Variants in MRPL30 observed in about 807,000 individuals in gnomAD.
MRPL30 encodes mitochondrial ribosomal protein L30, also known as large ribosomal subunit protein uL30m.
MRPL30 carries 10 observed loss-of-function variants against 17.2 expected under a neutral mutation model. The observed-to-expected ratio is 0.58, with a 90% CI of 0.36 to 0.99. MRPL30 has a LOEUF of 0.99. Ranked by LOEUF, MRPL30 falls within the 50% of genes least tolerant of loss-of-function variation. MRPL30 has a pLI of 0.01. For missense variants in MRPL30, 170 were observed against 189.8 expected, an observed-to-expected ratio of 0.90 and a Z score of 0.61; for synonymous variants, 61 against 62.1, an observed-to-expected ratio of 0.98 and a Z score of 0.08.
intron 1 of MRPL30, among the ~76,000 whole-genome samples, chr2:99,181,506 C>T (rs2093921469): frequency 6.6e-6 from 1 of 151,998 alleles, no homozygotes; most frequent in African/African-American, 2.4e-5. Context: ...AGAACGGAGC[C>T]GCCGAGGCTG....
intron 5 of MRPL30, 84 bp downstream of exon 5, chr2:99,195,273 G>GA (rs1420720978): frequency 3.0e-6 from 4 of 1,341,676 alleles, no homozygotes; most frequent in Non-Finnish European, 4.1e-6. Context: ...TTAATGTTCT[G>GA]AAAAAAACTT....
intron 2 of MRPL30, 105 bp downstream of exon 2, chr2:99,186,359 G>A (rs2093934086): frequency 1.0e-6 from 1 of 975,042 alleles, no homozygotes; most frequent in African/African-American, 1.6e-5. Context: ...TTGAGACGAA[G>A]TCTCTCTCTG....
intron 1 of MRPL30, among the ~76,000 whole-genome samples, chr2:99,185,415 T>C (rs1443076854): frequency 6.6e-6 from 1 of 152,204 alleles, no homozygotes; most frequent in Non-Finnish European, 1.5e-5. Context: ...ACAGGTATTT[T>C]CTTTCTTTTC....
chr2:99,190,224 C>T (rs893426492), intron 3 of MRPL30, among the ~76,000 whole-genome samples: 2 of 152,134 alleles, frequency 1.3e-5, no homozygotes, highest in Non-Finnish European at 2.9e-5. Flanking sequence ...ACAGTATTAC[C>T]ATTGACTACT....
At chr2:99,193,426 A>G (rs1473224077) in intron 3 of MRPL30, among the ~76,000 whole-genome samples, 1 of 152,188 alleles carries the variant, frequency 6.6e-6, no homozygotes, top group Non-Finnish European at 1.5e-5. Context: ...TTATTAAAAT[A>G]CCATCTTTTT....
At chr2:99,193,396 A>G (rs2093950152) in intron 3 of MRPL30, among the ~76,000 whole-genome samples, 1 of 152,218 alleles carries the variant, frequency 6.6e-6, no homozygotes, top group Non-Finnish European at 1.5e-5. Context: ...ACTGTTTTTA[A>G]TCATGAATGA....
intron 1 of MRPL30, among the ~76,000 whole-genome samples, chr2:99,183,837 T>C (rs1408118358): frequency 2.0e-5 from 3 of 152,182 alleles, no homozygotes; most frequent in Non-Finnish European, 4.4e-5. Context: ...CTTTTGCTAT[T>C]CCAGGATCCC....
intron 1 of MRPL30, among the ~76,000 whole-genome samples, chr2:99,181,859 T>C (rs1341492729): frequency 1.3e-5 from 2 of 152,240 alleles, no homozygotes; most frequent in African/African-American, 4.8e-5. Context: ...TTCAGAGATC[T>C]CTGGTATCTC....
rs1028035868 is a variant in MRPL30, at chr2:99,197,557, C to A, written c.*1852C>A. On this transcript the variant is annotated 3_prime_UTR_variant, in exon 6 of 6. Transcript: ENST00000338148. ...AGAGAAACCTGTGTGCCACAACATACAGTGTCCTTGCTTATGTGGGGTCGA... is the reference window on the plus strand; with the variant it reads ...AGAGAAACCTGTGTGCCACAACATAAAGTGTCCTTGCTTATGTGGGGTCGA... 1 of 152,232 alleles carries A rather than the reference C, an allele frequency of 6.6e-6. No individual in the cohort carries two copies. Among genetic ancestry groups the A allele is most frequent in the Non-Finnish European group, 1.5e-5 (1 of 68,058 alleles). 9.4% of individuals were successfully genotyped at this position (152,232 alleles called of 1,614,324 possible).
In MRPL30 at chr2:99,181,261, A is replaced by C. The variant is rs1404112637; in HGVS notation, c.-28+12A>C. Reference sequence around the variant, plus strand: ...TTTAGCGGGTGCCGGTGAGTGGGGAATGAGTGGCGGAGAGTGCGGCATTCT... The same window carrying C: ...TTTAGCGGGTGCCGGTGAGTGGGGACTGAGTGGCGGAGAGTGCGGCATTCT... On this transcript the variant is annotated intron_variant, in intron 1 of 5. Transcript: ENST00000338148. 6 of 405,816 alleles carry C rather than the reference A, an allele frequency of 1.5e-5. No homozygotes were observed. The Admixed American group carries it at 2.2e-4, about 15-fold the overall frequency. The allele number at this position is 405,816 out of a possible 1,614,324, so 25.1% of individuals were successfully genotyped here. A position where few individuals can be genotyped will look rare whatever the true frequency, so the allele number is the denominator to read the frequency against.
chr2:99,183,568 C>CAAAA (rs35487170), intron 1 of MRPL30, among the ~76,000 whole-genome samples: 1 of 131,648 alleles, frequency 7.6e-6, no homozygotes, highest in Non-Finnish European at 1.6e-5. Flanking sequence ...GACTCTGTCT[C>CAAAA]AAAAAAAAAA....
intron 2 of MRPL30, among the ~76,000 whole-genome samples, 190 bp downstream of exon 2, chr2:99,186,444 T>C (rs1010110798): frequency 6.6e-6 from 1 of 152,186 alleles, no homozygotes; most frequent in African/African-American, 2.4e-5. Flanking sequence ...GCAATTCTCC[T>C]GCCTCAGCCT....
chr2:99,185,560 T>C (rs1387878415), intron 1 of MRPL30, among the ~76,000 whole-genome samples: 1 of 152,212 alleles, frequency 6.6e-6, no homozygotes, highest in Non-Finnish European at 1.5e-5. Context: ...TAAATAAATA[T>C]GACCTTTTTA....
At chr2:99,190,796 A>C (rs1194507385) in intron 3 of MRPL30, among the ~76,000 whole-genome samples, 1 of 152,154 alleles carries the variant, frequency 6.6e-6, no homozygotes, top group Non-Finnish European at 1.5e-5. Flanking sequence ...TAGCTAATGC[A>C]TACTGGGCTT....
chr2:99,181,870 T>C (rs2093923124), intron 1 of MRPL30, among the ~76,000 whole-genome samples: 1 of 152,218 alleles, frequency 6.6e-6, no homozygotes. Context: ...CTGGTATCTC[T>C]GCAAGAGTGA....
intron 5 of MRPL30, 59 bp downstream of exon 5, chr2:99,195,248 A>G (rs1368606787): frequency 1.2e-5 from 18 of 1,462,320 alleles, no homozygotes; most frequent in Non-Finnish European, 1.6e-5. Context: ...TTCTAAATGC[A>G]TTTTTCTTTT....
At chr2:99,185,878 C>A in intron 1 of MRPL30, 1 of 426,810 alleles carries the variant, frequency 2.3e-6, no homozygotes, top group Non-Finnish European at 4.6e-6. Context: ...TATGGCAAAG[C>A]ATTCTTTATC....
intron 3 of MRPL30, among the ~76,000 whole-genome samples, chr2:99,192,359 A>T (rs977436146): frequency 5.3e-5 from 8 of 152,104 alleles, no homozygotes; most frequent in Middle Eastern, 3.2e-3. Context: ...TGCTGCACCT[A>T]TCAACCCGTC....
Position 99,186,108 on chromosome 2 carries a change from T to C in MRPL30, c.-27-69T>C, listed in dbSNP as rs1348789200. ...AATTTGCTGCTTAGTTTTTTAATAC[T>C]AGAGAAGGGGAAACCTGTTCATTTC... On this transcript the variant is annotated intron_variant, in intron 1 of 5. Transcript: ENST00000338148. 16 of 1,047,464 alleles carry C rather than the reference T, an allele frequency of 1.5e-5. No homozygotes were observed. In the East Asian group the frequency reaches 3.9e-4, roughly 25 times the overall value. The allele number at this position is 1,047,464 out of a possible 1,614,324, so 64.9% of individuals were successfully genotyped here.
Sources: gnomAD v4.1 joint callset for allele counts (sites outside exome capture counted in the v4.1 genomes callset) on GRCh38, gnomAD v4.1.1 for gene constraint, MANE v1.5 for transcripts, NCBI Gene and HGNC (gene_info 2026-07-23, HGNC 2026-07-21) for gene names.